The following STAT5B variants were observed in gnomAD, a reference collection of about 807,000 sequenced individuals.
The protein encoded by STAT5B is transcription factor STAT5B.
STAT5B carries 21 observed loss-of-function variants against 107.8 expected under a neutral mutation model. That is an observed-to-expected ratio of 0.19 (90% CI 0.14 to 0.28). The LOEUF (loss-of-function observed/expected upper bound fraction) is 0.28, where lower values mean the gene tolerates loss of function less well. Among genes scored for constraint, STAT5B ranks in the 10% least tolerant of loss-of-function variants. The pLI is 1.00. For missense variants in STAT5B, 565 were observed against 1,008.2 expected (o/e 0.56, Z 5.95); for synonymous variants, 325 against 401.7 (o/e 0.81, Z 2.28).
intron 3 of STAT5B, among the ~76,000 whole-genome samples, chr17:42,225,211 C>G (rs992328903): frequency 6.6e-6 from 1 of 152,124 alleles, no homozygotes; most frequent in South Asian, 2.1e-4. Context: ...CCCGCCACCA[C>G]GCCTGGCTAA....
intron 1 of STAT5B, among the ~76,000 whole-genome samples, chr17:42,263,865 A>G (rs1054308864): frequency 1.2e-5 from 1 of 85,334 alleles, no homozygotes; most frequent in African/African-American, 4.8e-5. Context: ...AGATACTAGA[A>G]AGCGCGCACA....
intron 18 of STAT5B, 123 bp from the exon 19 acceptor site, chr17:42,201,987 G>A (rs2080048117): frequency 1.1e-6 from 1 of 909,772 alleles, no homozygotes; most frequent in Non-Finnish European, 1.7e-6. Context: ...GGCTTCATGG[G>A]AAAAGAACAA....
chr17:42,202,985 C>T, intron 16 of STAT5B, 177 bp from the exon 17 acceptor site: 1 of 815,930 alleles, frequency 1.2e-6, no homozygotes. Flanking sequence ...CTCTCTCATC[C>T]AGGCTGGAGT....
intron 1 of STAT5B, among the ~76,000 whole-genome samples, chr17:42,274,599 A>G (rs531494142): frequency 2.6e-5 from 4 of 152,230 alleles, no homozygotes; most frequent in Non-Finnish European, 5.9e-5. Context: ...AAATAAAATC[A>G]ATCAATAAGA....
intron 9 of STAT5B, chr17:42,217,710 C>T (rs1374942331): frequency 3.4e-5 from 17 of 505,804 alleles, no homozygotes; most frequent in Non-Finnish European, 4.9e-5. Context: ...TTTTTTGTGA[C>T]GGAGTTTTGC....
Position 42,217,396 on chromosome 17 carries a change from C to G in STAT5B, c.1238G>C (p.Ser413Thr). Reference sequence around the variant, plus strand: ...CCTCACCATATTCCTGAAGTGGGCACTAAGGGTGCCTGTGGCTTGGTGGTA... The same window carrying G: ...CCTCACCATATTCCTGAAGTGGGCAGTAAGGGTGCCTGTGGCTTGGTGGTA... ...MEYHQATGTL[S>T]AHFRNMSLKR... Residue 413 changes from serine to threonine, a missense_variant, in exon 10 of 19, where the codon AGT (serine) becomes ACT (threonine). Around this residue, in one of 11 missense-constraint regions of STAT5B, gnomAD observed 70 missense variants for 73.2 expected, o/e 0.96. Transcript: ENST00000293328. The G allele has an allele frequency of 6.2e-7, 1 of 1,614,206 alleles. No individual in the cohort carries two copies.
chr17:42,242,962 C>T (rs2080417148), intron 1 of STAT5B, among the ~76,000 whole-genome samples: 1 of 150,372 alleles, frequency 6.7e-6, no homozygotes, highest in Admixed American at 6.6e-5. Context: ...TCCCTAATCT[C>T]AAGTACCCAG....
At chr17:42,207,830 C>T in intron 15 of STAT5B, 102 bp from the exon 16 acceptor site, 1 of 1,185,338 alleles carries the variant, frequency 8.4e-7, no homozygotes, top group Non-Finnish European at 1.2e-6. Context: ...ATTATAATGG[C>T]TCCAATAGAA....
chr17:42,267,583 CAT>C (rs746518442), intron 1 of STAT5B, among the ~76,000 whole-genome samples: 4 of 151,922 alleles, frequency 2.6e-5, no homozygotes, highest in Admixed American at 2.0e-4. Context: ...AGAATAAAAA[CAT>C]AAAGAAAATA....
At chr17:42,217,835 G>C (rs930910901) in intron 9 of STAT5B, 20 of 441,392 alleles carry the variant, frequency 4.5e-5, no homozygotes, top group African/African-American at 3.8e-4. Context: ...CTCTCTAGTG[G>C]CTGGGATTAC....
At chr17:42,252,879 A>G (rs2080511291) in intron 1 of STAT5B, among the ~76,000 whole-genome samples, 1 of 152,248 alleles carries the variant, frequency 6.6e-6, no homozygotes, top group Admixed American at 6.5e-5. Flanking sequence ...GATCTTCTCT[A>G]AGCAAACTAA....
At chr17:42,269,810 T>C (rs2080706831) in intron 1 of STAT5B, 1 of 151,068 alleles carries the variant, frequency 6.6e-6, no homozygotes, top group Non-Finnish European at 1.5e-5. Flanking sequence ...GGAAAAGTGC[T>C]GAGAGAAAGT....
At chr17:42,203,101 T>A in intron 16 of STAT5B, 1 of 436,274 alleles carries the variant, frequency 2.3e-6, no homozygotes, top group Non-Finnish European at 4.3e-6. Flanking sequence ...CACCACACTT[T>A]GGCTAATTTT....
chr17:42,227,522 C>T lies in STAT5B; in HGVS notation c.285+7G>A, dbSNP rs1039163906. On this transcript the variant is annotated splice_region_variant and intron_variant, in intron 3 of 18. Transcript: ENST00000293328. ...TAATTAAGTGTGACCCCAGAGCCCA[C>T]ACCCACCTGGAGCTGTGTGGCATAG... 1 of 1,612,932 alleles carries T rather than the reference C, an allele frequency of 6.2e-7. No homozygotes were observed. The highest frequency in any genetic ancestry group is 2.2e-5 in the East Asian group (1 of 44,892).
At chr17:42,278,544 C>G (rs982867489), upstream of STAT5B, among the ~76,000 whole-genome samples, 1 of 151,810 alleles carries the variant, frequency 6.6e-6, no homozygotes, top group Non-Finnish European at 1.5e-5. Flanking sequence ...TTTTTGGAGA[C>G]AGTCTCACAG....
chr17:42,233,371 A>G (rs2080332751), intron 1 of STAT5B, among the ~76,000 whole-genome samples: 1 of 152,218 alleles, frequency 6.6e-6, no homozygotes, highest in South Asian at 2.1e-4. Context: ...ACTGCTAAGG[A>G]ATTTATGAAG....
At chr17:42,250,212 T>C (rs2080486855) in intron 1 of STAT5B, among the ~76,000 whole-genome samples, 1 of 152,180 alleles carries the variant, frequency 6.6e-6, no homozygotes, top group Non-Finnish European at 1.5e-5. Flanking sequence ...TAGTTTCAGG[T>C]TGTGGTGGCA....
chr17:42,201,499 G>C lies in STAT5B; in HGVS notation c.*239C>G, dbSNP rs1285115503. The C allele has an allele frequency of 9.5e-6, 6 of 628,900 alleles. No individual in the cohort carries two copies. Among genetic ancestry groups the C allele is most frequent in the Non-Finnish European group, 1.2e-5 (4 of 345,106 alleles). 39.0% of individuals were successfully genotyped at this position (628,900 alleles called of 1,614,324 possible). A position where few individuals can be genotyped will look rare whatever the true frequency, so the allele number is the denominator to read the frequency against. Reference sequence around the variant, plus strand: ...AACTAAACTCTCAGACAGTGAGAGGGAGAAACACCATAACGTGCAAACACG... The same window carrying C: ...AACTAAACTCTCAGACAGTGAGAGGCAGAAACACCATAACGTGCAAACACG... On this transcript the variant is annotated 3_prime_UTR_variant, in exon 19 of 19. Coordinates refer to ENST00000293328, the MANE Select transcript of STAT5B (RefSeq NM_012448.4).
At chr17:42,262,970 G>GTATGTATGTATA (rs2080626842) in intron 1 of STAT5B, among the ~76,000 whole-genome samples, 1 of 20,930 alleles carries the variant, frequency 4.8e-5, no homozygotes, top group Non-Finnish European at 8.3e-5. Context: ...GTGTGTGTGT[G>GTATGTATGTATA]TATATATATA....
Sources: gnomAD v4.1 joint callset for allele counts (sites outside exome capture counted in the v4.1 genomes callset) on GRCh38, gnomAD v4.1.1 for gene constraint, gnomAD v4.1.1 regional missense constraint, MANE v1.5 for transcripts, NCBI Gene and HGNC (gene_info 2026-07-23, HGNC 2026-07-21) for gene names.